The following HDC variants were observed in gnomAD, a reference collection of about 807,000 sequenced individuals.
HDC encodes histidine decarboxylase.
In HDC, 27 loss-of-function variants were observed where a neutral mutation model predicts 64.4. That is an observed-to-expected ratio of 0.42 (90% CI 0.31 to 0.58). HDC has a LOEUF of 0.58. Ranked by LOEUF, HDC falls within the 20% of genes least tolerant of loss-of-function variation. The probability of loss-of-function intolerance (pLI) is 0.16; values close to 1 mark genes in which losing one functional copy is unlikely to be tolerated. For synonymous variants in HDC, 305 were observed against 314.2 expected, an observed-to-expected ratio of 0.97 and a Z score of 0.31; for missense variants, 711 against 833.9, an observed-to-expected ratio of 0.85 and a Z score of 1.81.
intron 3 of HDC, 119 bp from the exon 4 acceptor site, chr15:50,257,666 C>A: frequency 8.9e-7 from 1 of 1,124,328 alleles, no homozygotes; most frequent in Admixed American, 1.7e-5. Flanking sequence ...GAGAAGGGGT[C>A]ATGTTAGGCC....
At chr15:50,258,866 A>T (rs1161382580) in intron 2 of HDC, among the ~76,000 whole-genome samples, 1 of 152,156 alleles carries the variant, frequency 6.6e-6, no homozygotes, top group Non-Finnish European at 1.5e-5. Flanking sequence ...GCCCAGCAAT[A>T]AAAGGAAGGG....
At position 50,248,193 on chromosome 15, in the gene HDC, A is replaced by G. The variant is rs1180428716; in HGVS notation, c.1140+52T>C. ...AAAGTAGAAACCAGCCTTCCTCGCC[A>G]TGAGAAAACAGAGGAACACAGGCTC... On this transcript the variant is annotated intron_variant, in intron 10 of 11. Transcript: ENST00000267845. This position sits in a 1 kb window ranked among gnomAD's most constrained non-coding sequence, Gnocchi z 4.3. The G allele has an allele frequency of 3.3e-5, 43 of 1,313,588 alleles. No homozygotes were observed. The highest frequency in any genetic ancestry group is 4.5e-5 in the Non-Finnish European group (41 of 908,726). The allele number at this position is 1,313,588 out of a possible 1,614,324, so 81.4% of individuals were successfully genotyped here.
At chr15:50,259,646 T>C (rs1294930263) in intron 2 of HDC, among the ~76,000 whole-genome samples, 1 of 152,176 alleles carries the variant, frequency 6.6e-6, no homozygotes, top group Non-Finnish European at 1.5e-5. Context: ...TTCCAAAACC[T>C]GCCAGTTCTT....
rs571169790 is a variant in HDC, at chr15:50,264,420, C to T, written c.32-1013G>A. On this transcript the variant is annotated intron_variant, in intron 1 of 11. Transcript: ENST00000267845. ...GACTTTCTCTCCCTCCTGCTGCCTC[C>T]ATCAACACCTCAGTGCTTAGGATAT... Among the ~76,000 whole-genome samples, 14 of 152,092 alleles carry T rather than the reference C, an allele frequency of 9.2e-5. No homozygotes were observed. The South Asian group carries it at 2.7e-3, about 29-fold the overall frequency.
Position 50,248,495 on chromosome 15 carries a change from C to T in HDC, c.1042-152G>A. ...AGCTGTTGCTAAGGAGTAAGCCAAG[C>T]TCCCCAAGGGTTGCCCCATCGTGTG... On this transcript the variant is annotated intron_variant, in intron 9 of 11. Transcript: ENST00000267845. The surrounding 1 kb of genome is among the most constrained non-coding windows in gnomAD (Gnocchi z 4.3). The T allele has an allele frequency of 1.4e-6, 1 of 693,802 alleles. No individual in the cohort carries two copies. Among genetic ancestry groups the T allele is most frequent in the Non-Finnish European group, 2.6e-6 (1 of 382,280 alleles). The allele number at this position is 693,802 out of a possible 1,614,324, so 43.0% of individuals were successfully genotyped here.
intron 2 of HDC, among the ~76,000 whole-genome samples, chr15:50,260,997 GC>G (rs932925978): frequency 2.6e-5 from 4 of 152,116 alleles, no homozygotes; most frequent in African/African-American, 9.7e-5. Context: ...TAAGCAAAGG[GC>G]CAACTGCTTT....
In HDC at chr15:50,242,474, A is replaced by G. The variant is rs2045408919; in HGVS notation, c.1775T>C (p.Val592Ala). 2 of 1,614,146 alleles carry G rather than the reference A, an allele frequency of 1.2e-6. No homozygotes were observed. Among genetic ancestry groups the G allele is most frequent in the Non-Finnish European group, 1.7e-6 (2 of 1,179,990 alleles). Residue 592 changes from valine to alanine, a missense_variant, in exon 12 of 12, where the codon GTG becomes GCG. Coordinates refer to ENST00000267845, the MANE Select transcript of HDC (RefSeq NM_002112.4). ...TGTGGGCAGTGGCTTCTGAGCACTCACTGGCACACTGTTGCAACTGAGGGA... is the reference window on the plus strand; with the variant it reads ...TGTGGGCAGTGGCTTCTGAGCACTCGCTGGCACACTGTTGCAACTGAGGGA... ...VRSLSCNSVP[V>A]SAQKPLPTEA...
rs765014978 is a variant in HDC, at chr15:50,252,589, C to T, written c.950+23G>A. On this transcript the variant is annotated intron_variant, in intron 8 of 11. Transcript: ENST00000267845. ...AGGAGGCAAGGCGTTCCTGCGTGCTCGGAGCTGGGCTGCTACACTCACCAG... is the reference window on the plus strand; with the variant it reads ...AGGAGGCAAGGCGTTCCTGCGTGCTTGGAGCTGGGCTGCTACACTCACCAG... 5 of 1,614,104 alleles carry T rather than the reference C, an allele frequency of 3.1e-6. No homozygotes were observed. In the Admixed American group the frequency reaches 6.7e-5, roughly 22 times the overall value.
intron 4 of HDC, among the ~76,000 whole-genome samples, chr15:50,255,471 C>A (rs2045617861): frequency 6.6e-6 from 1 of 152,044 alleles, no homozygotes. Flanking sequence ...GGAGTTACTC[C>A]ATAAAAAGAA....
rs2045401350 is a variant in HDC, at chr15:50,242,143, T to G, written c.*117A>C. The G allele has an allele frequency of 1.1e-6, 1 of 873,200 alleles. No individual in the cohort carries two copies. The highest frequency in any genetic ancestry group is 1.8e-5 in the Admixed American group (1 of 55,172). The allele number at this position is 873,200 out of a possible 1,614,324, so 54.1% of individuals were successfully genotyped here. A position where few individuals can be genotyped will look rare whatever the true frequency, so the allele number is the denominator to read the frequency against. The stretch of plus-strand genomic sequence containing the variant: ...CCCTATGAGAATTTGATTAAAATTA[T>G]GAACTCGCCCCAAGAAAAATGCATG... On this transcript the variant is annotated 3_prime_UTR_variant, in exon 12 of 12. Coordinates refer to ENST00000267845, the MANE Select transcript of HDC (RefSeq NM_002112.4).
intron 9 of HDC, among the ~76,000 whole-genome samples, chr15:50,250,853 C>T (rs886786600): frequency 2.0e-5 from 3 of 152,152 alleles, no homozygotes; most frequent in African/African-American, 4.8e-5. Flanking sequence ...ACCAGTAAGC[C>T]GTGAGGCTTA....
chr15:50,254,764 C>CTCT (rs2045608223), intron 4 of HDC, 100 bp from the exon 5 acceptor site: 1 of 1,066,454 alleles, frequency 9.4e-7, no homozygotes, highest in African/African-American at 1.7e-5. Context: ...CTCTCTCTCT[C>CTCT]TCTCTCTCTC....
rs192720552 is a variant in HDC, at chr15:50,243,248, G to A, written c.1141-4C>T. On this transcript the variant is annotated splice_region_variant and splice_polypyrimidine_tract_variant and intron_variant, in intron 10 of 11. Transcript: ENST00000267845. ...AATATTTAGCCATTTCAGTACCCTG[G>A]AATTGCAAGTATAAAGAGAACTGAG... 7.1e-6 allele frequency: 11 copies of A among 1,554,324 alleles called. No homozygotes were observed. Among genetic ancestry groups the A allele is most frequent in the Admixed American group, 3.3e-5 (2 of 59,968 alleles).
At chr15:50,256,098 G>A (rs1488534118) in intron 4 of HDC, among the ~76,000 whole-genome samples, 2 of 152,200 alleles carry the variant, frequency 1.3e-5, no homozygotes, top group Admixed American at 1.3e-4. Context: ...CTGAACTTCA[G>A]TGCTCTTATC....
chr15:50,265,568 A>T (rs768070891), intron 1 of HDC, 25 bp downstream of exon 1: 8 of 1,611,160 alleles, frequency 5.0e-6, no homozygotes, highest in Non-Finnish European at 6.8e-6. Context: ...AGCAGGGAAG[A>T]GGGCCAGGGA....
At chr15:50,249,164 C>T (rs936399845) in intron 9 of HDC, among the ~76,000 whole-genome samples, 1 of 152,182 alleles carries the variant, frequency 6.6e-6, no homozygotes, top group Admixed American at 6.5e-5. Context: ...CTCTTTGCTC[C>T]TGGTGGCCAA....
At chr15:50,246,987 G>A (rs1567446708) in intron 10 of HDC, among the ~76,000 whole-genome samples, 4 of 152,154 alleles carry the variant, frequency 2.6e-5, no homozygotes. Flanking sequence ...AATAAGCCAG[G>A]CACAGAAGGA....
rs1334335115 is a variant in HDC, at chr15:50,254,573, T to C, written c.533A>G (p.Glu178Gly). Residue 178 changes from glutamate (E) to glycine (G), a missense_variant, in exon 5 of 12, where the codon GAG (glutamate) becomes GGG (glycine). Glu to Gly is a moderately conservative substitution (Grantham distance 98, BLOSUM62 -2). Around this residue, in one of 3 missense-constraint regions of HDC, gnomAD observed 225 missense variants for 276.2 expected, o/e 0.81. Transcript: ENST00000267845. ...EMKTSEPDAD[E>G]SCLNARLVAY... is the part of the protein sequence containing the mutation. Reference sequence around the variant, plus strand: ...CACGAGTCGGGCATTTAGGCAGGACTCATCAGCATCGGGCTCAGACGTTTT... The same window carrying C: ...CACGAGTCGGGCATTTAGGCAGGACCCATCAGCATCGGGCTCAGACGTTTT... 1.2e-6 allele frequency: 2 copies of C among 1,614,120 alleles called. No homozygotes were observed. The highest frequency in any genetic ancestry group is 1.7e-6 in the Non-Finnish European group (2 of 1,180,050).
chr15:50,253,778 A>T (rs2045589646), intron 6 of HDC, 112 bp from the exon 7 acceptor site: 1 of 843,752 alleles, frequency 1.2e-6, no homozygotes, highest in Non-Finnish European at 2.0e-6. Context: ...CCACCAGAAC[A>T]GTGTATATTT....
Sources: gnomAD v4.1 joint callset for allele counts (sites outside exome capture counted in the v4.1 genomes callset) on GRCh38, gnomAD v4.1.1 for gene constraint, gnomAD v4.1.1 regional missense constraint, Gnocchi (gnomAD v3.1) non-coding constraint, MANE v1.5 for transcripts, NCBI Gene and HGNC (gene_info 2026-07-23, HGNC 2026-07-21) for gene names.